The following GUCY1A2 variants were observed in gnomAD, a reference collection of about 807,000 sequenced individuals.
The protein encoded by GUCY1A2 is guanylate cyclase soluble subunit alpha-2.
GUCY1A2 carries 27 observed loss-of-function variants against 63.5 expected under a neutral mutation model. The ratio of observed to expected loss-of-function variants is 0.43; its 90% confidence interval spans 0.31 to 0.59. GUCY1A2 has a LOEUF of 0.59. Among genes scored for constraint, GUCY1A2 ranks in the 20% least tolerant of loss-of-function variants. The pLI, the probability that GUCY1A2 is intolerant of heterozygous loss-of-function variation, is 0.11. For synonymous variants in GUCY1A2, 364 were observed against 343.5 expected, an observed-to-expected ratio of 1.06 and a Z score of -0.66; for missense variants, 768 against 913.3, an observed-to-expected ratio of 0.84 and a Z score of 2.05.
At chr11:106,946,726 T>C (rs982324193) in intron 3 of GUCY1A2, among the ~76,000 whole-genome samples, 10 of 152,074 alleles carry the variant, frequency 6.6e-5, no homozygotes, top group African/African-American at 1.9e-4. Context: ...CAATTAGGAA[T>C]TAATTACTAA....
At chr11:106,906,348 A>G (rs979281032) in intron 4 of GUCY1A2, among the ~76,000 whole-genome samples, 1 of 152,216 alleles carries the variant, frequency 6.6e-6, no homozygotes, top group Non-Finnish European at 1.5e-5. Flanking sequence ...AAATCTCATC[A>G]TCACTGGTCA....
chr11:106,851,290 C>T (rs1205199010), intron 4 of GUCY1A2, among the ~76,000 whole-genome samples: 2 of 151,800 alleles, frequency 1.3e-5, no homozygotes, highest in East Asian at 1.9e-4. Flanking sequence ...TATTTTCTCC[C>T]GTTCTACAGG....
intron 4 of GUCY1A2, among the ~76,000 whole-genome samples, chr11:106,894,664 TA>T (rs1362356048): frequency 6.6e-6 from 1 of 152,142 alleles, no homozygotes; most frequent in African/African-American, 2.4e-5. Flanking sequence ...AACACTTGAA[TA>T]ACCTATGTCA....
intron 2 of GUCY1A2, among the ~76,000 whole-genome samples, chr11:106,979,089 A>G (rs1442647041): frequency 1.3e-5 from 2 of 152,230 alleles, no homozygotes; most frequent in Non-Finnish European, 2.9e-5. Context: ...AAAAGTTAAC[A>G]ATGTTAATTT....
intron 6 of GUCY1A2, among the ~76,000 whole-genome samples, chr11:106,727,259 G>A (rs183916191): frequency 3.3e-5 from 5 of 152,314 alleles, no homozygotes; most frequent in South Asian, 2.1e-4. Context: ...GGACATCCAC[G>A]TTGTGGTGAG....
chr11:106,973,977 G>C (rs948231094), intron 3 of GUCY1A2, among the ~76,000 whole-genome samples: 2 of 152,006 alleles, frequency 1.3e-5, no homozygotes, highest in African/African-American at 4.8e-5. Flanking sequence ...TTGCAAATAA[G>C]AAATATGAGG....
chr11:106,862,779 G>A (rs375512625), intron 4 of GUCY1A2, among the ~76,000 whole-genome samples: 11 of 152,018 alleles, frequency 7.2e-5, no homozygotes, highest in African/African-American at 2.4e-4. Flanking sequence ...CTCTGTAAAC[G>A]ACTCTGTTCT....
chr11:107,017,707 G>A, intron 1 of GUCY1A2, 46 bp downstream of exon 1: 1 of 1,175,460 alleles, frequency 8.5e-7, no homozygotes, highest in Non-Finnish European at 1.1e-6. Flanking sequence ...TTACAGATCC[G>A]CGTTCTCTCC....
At chr11:106,785,634 A>C (rs2135408760) in intron 5 of GUCY1A2, among the ~76,000 whole-genome samples, 1 of 152,226 alleles carries the variant, frequency 6.6e-6, no homozygotes, top group South Asian at 2.1e-4. Context: ...AGGGGTCAGA[A>C]GTGGCCCTTA....
At chr11:106,766,294 C>A (rs1281182236) in intron 6 of GUCY1A2, among the ~76,000 whole-genome samples, 1 of 152,058 alleles carries the variant, frequency 6.6e-6, no homozygotes, top group Admixed American at 6.6e-5. Context: ...CTAGGGCTAA[C>A]CAAGTTTTTT....
intron 4 of GUCY1A2, among the ~76,000 whole-genome samples, chr11:106,850,471 G>C (rs963400201): frequency 6.6e-6 from 1 of 151,626 alleles, no homozygotes; most frequent in Non-Finnish European, 1.5e-5. Context: ...TGTAATTTTT[G>C]TATCTGTTAA....
chr11:106,872,947 T>C (rs1368738769), intron 4 of GUCY1A2, among the ~76,000 whole-genome samples: 1 of 149,238 alleles, frequency 6.7e-6, no homozygotes, highest in African/African-American at 2.4e-5. Flanking sequence ...GAGGCCCTGG[T>C]GTGTTTTGTT....
chr11:106,895,346 C>G (rs1370823474), intron 4 of GUCY1A2, among the ~76,000 whole-genome samples: 4 of 152,096 alleles, frequency 2.6e-5, no homozygotes, highest in African/African-American at 9.7e-5. Flanking sequence ...CTAAATCTTT[C>G]CCATAATATA....
At chr11:107,005,733 T>C (rs1310910717) in intron 1 of GUCY1A2, among the ~76,000 whole-genome samples, 5 of 152,214 alleles carry the variant, frequency 3.3e-5, no homozygotes. Context: ...AATGAGTGAA[T>C]AAACAAGAAC....
intron 5 of GUCY1A2, among the ~76,000 whole-genome samples, chr11:106,801,474 G>C (rs1858603022): frequency 6.6e-6 from 1 of 152,108 alleles, no homozygotes; most frequent in Admixed American, 6.6e-5. Flanking sequence ...CCTATAGTAT[G>C]TAAGTGCCAG....
intron 4 of GUCY1A2, among the ~76,000 whole-genome samples, chr11:106,911,509 T>G (rs1343097790): frequency 6.6e-6 from 1 of 152,100 alleles, no homozygotes; most frequent in Admixed American, 6.6e-5. Flanking sequence ...GCAGCAGAAG[T>G]TAAAGCACAG....
chr11:106,920,198 C>T (rs1028575351), intron 4 of GUCY1A2, among the ~76,000 whole-genome samples: 6 of 151,360 alleles, frequency 4.0e-5, no homozygotes, highest in South Asian at 4.2e-4. Flanking sequence ...AACACCAAAC[C>T]GAGAATGGTT....
intron 6 of GUCY1A2, among the ~76,000 whole-genome samples, chr11:106,709,555 A>G (rs1360558162): frequency 1.9e-5 from 1 of 53,800 alleles, no homozygotes; most frequent in Non-Finnish European, 3.0e-5. Flanking sequence ...ATTATTATAT[A>G]AATATGTTAT....
chr11:107,013,898 A>C (rs2120218173), intron 1 of GUCY1A2, among the ~76,000 whole-genome samples: 1 of 152,278 alleles, frequency 6.6e-6, no homozygotes, highest in East Asian at 1.9e-4. Context: ...ATGAAATCAA[A>C]GACTAGATAT....
Sources: gnomAD v4.1 joint callset for allele counts (sites outside exome capture counted in the v4.1 genomes callset) on GRCh38, gnomAD v4.1.1 for gene constraint, MANE v1.5 for transcripts, NCBI Gene and HGNC (gene_info 2026-07-23, HGNC 2026-07-21) for gene names.